The following MYT1L variants were observed in gnomAD, a reference collection of about 807,000 sequenced individuals.
The protein encoded by MYT1L is myelin transcription factor 1 like, also known as myelin transcription factor 1-like protein.
MYT1L carries 12 observed loss-of-function variants against 126.7 expected under a neutral mutation model. That is an observed-to-expected ratio of 0.09 (90% CI 0.06 to 0.15). The LOEUF is 0.15. Ranked by LOEUF, MYT1L falls within the 10% of genes least tolerant of loss-of-function variation. The pLI is 1.00. For synonymous variants in MYT1L, 541 were observed against 604.2 expected (o/e 0.90, Z 1.53); for missense variants, 979 against 1,585.2 (o/e 0.62, Z 6.49).
chr2:1,952,398 C>T (rs981907618), intron 8 of MYT1L, among the ~76,000 whole-genome samples: 3 of 152,018 alleles, frequency 2.0e-5, no homozygotes, highest in African/African-American at 7.3e-5. Flanking sequence ...GTAAAGGTAC[C>T]TCTCGGGCTT....
intron 13 of MYT1L, 125 bp from the exon 14 acceptor site, chr2:1,903,419 A>G: frequency 2.7e-6 from 2 of 729,622 alleles, no homozygotes. Context: ...CCTTGCACTA[A>G]AACTACAACT....
chr2:2,070,995 C>T (rs1172045960), intron 3 of MYT1L, among the ~76,000 whole-genome samples: 2 of 152,088 alleles, frequency 1.3e-5, no homozygotes, highest in East Asian at 3.9e-4. Flanking sequence ...GAATGATTAT[C>T]CTAGTAGCTG....
At chr2:1,804,504 CAGGG>C (rs2035382185) in intron 22 of MYT1L, among the ~76,000 whole-genome samples, 6 of 152,302 alleles carry the variant, frequency 3.9e-5, no homozygotes, top group African/African-American at 9.6e-5. Flanking sequence ...CTGGCCTGAG[CAGGG>C]AGGGCCCAGC....
chr2:1,863,549 C>T (rs1226065917), intron 18 of MYT1L, among the ~76,000 whole-genome samples: 1 of 152,136 alleles, frequency 6.6e-6, no homozygotes, highest in South Asian at 2.1e-4. Flanking sequence ...AGAGTACTGT[C>T]CCGCGCCAGC....
intron 18 of MYT1L, among the ~76,000 whole-genome samples, chr2:1,865,784 G>A (rs562807493): frequency 1.6e-4 from 24 of 152,212 alleles, no homozygotes; most frequent in African/African-American, 5.5e-4. Flanking sequence ...CACAAGGCGC[G>A]TGGTGGGTTA....
intron 8 of MYT1L, among the ~76,000 whole-genome samples, chr2:1,956,574 T>TTCTTTCTTTCTA (rs1369480046): frequency 0.048 from 4,866 of 101,546 alleles, 181 homozygotes; most frequent in East Asian, 0.14. Context: ...ATATTTCCTA[T>TTCTTTCTTTCTA]TCTATCTATC....
rs77837321 is a variant in MYT1L at position 2,244,813 on chromosome 2, G to A, written c.-421+39591C>T. On this transcript the variant is annotated intron_variant, in intron 2 of 24. Transcript: ENST00000647738. ...CCTGCCTGCTCCAGCCAGCAGTCCA[G>A]GTTCTCCCTGCAAACTGACGGCTAG... Among the ~76,000 whole-genome samples the A allele has an allele frequency of 1.7e-4, 26 of 152,336 alleles. No individual in the cohort carries two copies. The East Asian group carries it at 5.0e-3, about 29-fold the overall frequency.
At chr2:2,296,360 T>C (rs1042324165) in intron 1 of MYT1L, among the ~76,000 whole-genome samples, 1 of 151,676 alleles carries the variant, frequency 6.6e-6, no homozygotes, top group Non-Finnish European at 1.5e-5. Flanking sequence ...CCCATTTAGA[T>C]CATTTATTTT....
At chr2:1,803,936 C>T (rs2035270607) in intron 22 of MYT1L, among the ~76,000 whole-genome samples, 1 of 152,170 alleles carries the variant, frequency 6.6e-6, no homozygotes, top group South Asian at 2.1e-4. Context: ...CTGCGAGCCC[C>T]CAGGCACGTG....
chr2:2,078,225 C>A (rs1022186546), intron 3 of MYT1L, among the ~76,000 whole-genome samples: 3 of 151,584 alleles, frequency 2.0e-5, no homozygotes, highest in Non-Finnish European at 4.4e-5. Flanking sequence ...AAAGGTTATA[C>A]CAGGAATAAT....
chr2:1,901,204 C>G (rs2050295524), intron 14 of MYT1L, among the ~76,000 whole-genome samples: 2 of 152,190 alleles, frequency 1.3e-5, no homozygotes, highest in Non-Finnish European at 2.9e-5. Flanking sequence ...CTTTCCTTCT[C>G]AGGCTGGAGT....
intron 4 of MYT1L, among the ~76,000 whole-genome samples, chr2:2,003,744 A>C (rs967141098): frequency 1.4e-4 from 22 of 152,018 alleles, no homozygotes; most frequent in African/African-American, 5.3e-4. Context: ...CCATGTCTGC[A>C]CGCCTTCCTG....
intron 2 of MYT1L, among the ~76,000 whole-genome samples, chr2:2,206,628 AG>A (rs2093332538): frequency 6.6e-6 from 1 of 152,240 alleles, no homozygotes; most frequent in Non-Finnish European, 1.5e-5. Context: ...ATAAGAGAAA[AG>A]AGGAGCATTT....
intron 1 of MYT1L, among the ~76,000 whole-genome samples, chr2:2,301,066 C>A (rs1372809161): frequency 6.6e-6 from 1 of 152,110 alleles, no homozygotes; most frequent in Non-Finnish European, 1.5e-5. Context: ...TTGCTCTGTG[C>A]CAGCCTTGCA....
chr2:1,960,990 C>G (rs1002365899), intron 8 of MYT1L, among the ~76,000 whole-genome samples: 1 of 152,260 alleles, frequency 6.6e-6, no homozygotes, highest in East Asian at 1.9e-4. Context: ...AGGGAGCCAT[C>G]TCCTTGTCCC....
chr2:1,892,690 C>G (rs2148882696), intron 14 of MYT1L, among the ~76,000 whole-genome samples: 1 of 152,132 alleles, frequency 6.6e-6, no homozygotes, highest in South Asian at 2.1e-4. Flanking sequence ...CCAGTCGAGG[C>G]CCTAAGCGTG....
intron 9 of MYT1L, among the ~76,000 whole-genome samples, chr2:1,935,212 A>AT (rs1202054092): frequency 6.6e-6 from 1 of 152,066 alleles, no homozygotes; most frequent in Non-Finnish European, 1.5e-5. Flanking sequence ...CATGCTTTGT[A>AT]TTTTTTATAT....
intron 3 of MYT1L, among the ~76,000 whole-genome samples, chr2:2,083,252 T>G (rs963306800): frequency 6.6e-6 from 1 of 152,248 alleles, no homozygotes; most frequent in Non-Finnish European, 1.5e-5. Context: ...CACTTGTAGA[T>G]GCAAATCCCC....
At chr2:1,837,037 C>T (rs1368388560) in intron 21 of MYT1L, among the ~76,000 whole-genome samples, 4 of 152,110 alleles carry the variant, frequency 2.6e-5, no homozygotes, top group Admixed American at 6.6e-5. Context: ...TGGGAAGGGG[C>T]GTCATGGGGC....
Sources: gnomAD v4.1 joint callset for allele counts (sites outside exome capture counted in the v4.1 genomes callset) on GRCh38, gnomAD v4.1.1 for gene constraint, MANE v1.5 for transcripts, NCBI Gene and HGNC (gene_info 2026-07-23, HGNC 2026-07-21) for gene names.